The following FAM13C variants were observed in gnomAD, a reference collection of about 807,000 sequenced individuals.
FAM13C encodes protein FAM13C.
A neutral mutation model predicts 73.2 loss-of-function variants in FAM13C; 37 were observed. That is an observed-to-expected ratio of 0.51 (90% CI 0.39 to 0.67). FAM13C has a LOEUF of 0.67. FAM13C is among the 30% of genes least tolerant of loss of function. The pLI is 0.00. For missense variants in FAM13C, 589 were observed against 715.6 expected (o/e 0.82, Z 2.02); for synonymous variants, 246 against 260.9 (o/e 0.94, Z 0.55).
intron 6 of FAM13C, among the ~76,000 whole-genome samples, chr10:59,279,568 C>T (rs530136691): frequency 1.3e-5 from 2 of 152,330 alleles, no homozygotes; most frequent in Non-Finnish European, 2.9e-5. Context: ...AACCATCAAT[C>T]ATCCTTGGTC....
At position 59,337,959 on chromosome 10, in the gene FAM13C, C is replaced by T. The variant is rs142767296; in HGVS notation, c.325-13853G>A. Among the ~76,000 whole-genome samples the T allele has an allele frequency of 6.9e-3, 1,055 of 152,016 alleles. 10 individuals carry two copies. The highest frequency in any genetic ancestry group is 0.025 in the African/African-American group (1,016 of 41,468). On this transcript the variant is annotated intron_variant, in intron 3 of 13. Transcript: ENST00000618804. ...CCTCCCAAAATGCTGGGATTACAGG[C>T]GTGAGACACCATGCCCAGCCTGAAC... is the stretch of plus-strand genomic sequence containing the variant.
intron 10 of FAM13C, 34 bp downstream of exon 10, chr10:59,262,399 AG>A: frequency 1.9e-6 from 3 of 1,578,638 alleles, no homozygotes; most frequent in Non-Finnish European, 2.6e-6. Flanking sequence ...TGTGGACTAC[AG>A]GGGCCCTCTA....
At chr10:59,309,966 A>G (rs991225551) in intron 4 of FAM13C, among the ~76,000 whole-genome samples, 1 of 152,244 alleles carries the variant, frequency 6.6e-6, no homozygotes, top group Non-Finnish European at 1.5e-5. Flanking sequence ...ATGCTAGCAG[A>G]GCCTAGAGGA....
At chr10:59,298,898 G>A (rs1390807858) in intron 5 of FAM13C, among the ~76,000 whole-genome samples, 3 of 152,158 alleles carry the variant, frequency 2.0e-5, no homozygotes, top group Non-Finnish European at 4.4e-5. Flanking sequence ...TCACTTATAA[G>A]TGGAATCTAA....
intron 13 of FAM13C, chr10:59,251,176 A>G: frequency 4.0e-6 from 1 of 248,252 alleles, no homozygotes; most frequent in Non-Finnish European, 7.5e-6. Context: ...TTTAAAGCAA[A>G]TAAGGAATTA....
chr10:59,323,940 A>G (rs772230043), intron 4 of FAM13C, 48 bp downstream of exon 4: 1 of 1,502,358 alleles, frequency 6.7e-7, no homozygotes, highest in South Asian at 1.1e-5. Context: ...AGCATTTCTG[A>G]GAAAGGAACC....
intron 1 of FAM13C, chr10:59,360,990 A>T (rs559474976): frequency 7.8e-7 from 1 of 1,283,868 alleles, no homozygotes; most frequent in African/African-American, 1.5e-5. Context: ...GAAAGCACTT[A>T]GTACTTTAAG....
At chr10:59,280,879 A>G (rs1476506139) in intron 6 of FAM13C, among the ~76,000 whole-genome samples, 2 of 152,218 alleles carry the variant, frequency 1.3e-5, no homozygotes, top group African/African-American at 2.4e-5. Context: ...ACTAGGTCAC[A>G]TGAATTTATC....
chr10:59,357,262 T>A (rs1312653983), intron 1 of FAM13C, among the ~76,000 whole-genome samples: 2 of 152,222 alleles, frequency 1.3e-5, no homozygotes, highest in Non-Finnish European at 2.9e-5. Flanking sequence ...AGTTCCTACT[T>A]TAACCTTAAT....
At chr10:59,285,990 C>T (rs2051624356) in intron 5 of FAM13C, among the ~76,000 whole-genome samples, 1 of 152,182 alleles carries the variant, frequency 6.6e-6, no homozygotes, top group African/African-American at 2.4e-5. Context: ...AACTAACAGA[C>T]TAACACAAGG....
intron 1 of FAM13C, among the ~76,000 whole-genome samples, chr10:59,358,643 A>G (rs560296608): frequency 2.0e-5 from 3 of 152,236 alleles, no homozygotes; most frequent in Admixed American, 1.3e-4. Context: ...TGGAGCTTCA[A>G]TTCTGGAGCT....
chr10:59,360,794 G>C (rs974015254), intron 1 of FAM13C, among the ~76,000 whole-genome samples: 2 of 150,090 alleles, frequency 1.3e-5, no homozygotes, highest in African/African-American at 4.9e-5. Flanking sequence ...AACTCCTTGG[G>C]GAGTGTCCAA....
At chr10:59,314,431 T>G (rs1310283433) in intron 4 of FAM13C, among the ~76,000 whole-genome samples, 1 of 152,238 alleles carries the variant, frequency 6.6e-6, no homozygotes, top group Non-Finnish European at 1.5e-5. Context: ...TTAGGGAATC[T>G]GTCCAAGGAA....
chr10:59,289,362 A>G (rs1306652423), intron 5 of FAM13C, among the ~76,000 whole-genome samples: 1 of 152,158 alleles, frequency 6.6e-6, no homozygotes. Flanking sequence ...ACTGCCACAT[A>G]CATGTCCTTC....
At chr10:59,357,062 C>T (rs7895294) in intron 1 of FAM13C, among the ~76,000 whole-genome samples, 244 of 152,314 alleles carry the variant, frequency 1.6e-3, no homozygotes, top group African/African-American at 5.7e-3. Context: ...GAAGGCTGCA[C>T]TGTTGGCTTC....
Position 59,281,458 on chromosome 10 carries a change from C to T in FAM13C, c.592+1905G>A, listed in dbSNP as rs1844912211. ...AAGAGACTCCTTAGGTCCCTGGAAA[C>T]ATCAGTTTTCTAGATGTCTCTACAA... On this transcript the variant is annotated intron_variant, in intron 6 of 13. Transcript: ENST00000618804. 2.6e-5 allele frequency among the ~76,000 whole-genome samples: 4 copies of T among 152,200 alleles called. No individual in the cohort carries two copies. In the South Asian group the frequency reaches 8.3e-4, roughly 32 times the overall value.
intron 8 of FAM13C, among the ~76,000 whole-genome samples, chr10:59,265,537 C>T (rs1432064129): frequency 1.3e-5 from 2 of 152,120 alleles, no homozygotes; most frequent in Non-Finnish European, 2.9e-5. Flanking sequence ...TTCTCCACTC[C>T]GATCTGAGAA....
At position 59,334,411 on chromosome 10, in the gene FAM13C, T is replaced by C. The variant is rs534920897; in HGVS notation, c.325-10305A>G. On this transcript the variant is annotated intron_variant, in intron 3 of 13. Coordinates refer to ENST00000618804, the MANE Select transcript of FAM13C (RefSeq NM_198215.4). ...CAAATATGTCAAAACTTACTGGGTA[T>C]ATACCCAAAGGATTATAAATCATGC... Among the ~76,000 whole-genome samples, 14 of 152,298 alleles carry C rather than the reference T, an allele frequency of 9.2e-5. No individual in the cohort carries two copies. The South Asian group carries it at 2.9e-3, about 32-fold the overall frequency.
At chr10:59,342,027 T>C (rs2134183065) in intron 3 of FAM13C, among the ~76,000 whole-genome samples, 1 of 152,296 alleles carries the variant, frequency 6.6e-6, no homozygotes, top group Non-Finnish European at 1.5e-5. Flanking sequence ...TTGTTCTGTA[T>C]ATTTGTGCCA....
Sources: allele counts gnomAD v4.1 joint callset (sites outside exome capture counted in the v4.1 genomes callset), GRCh38; gene constraint gnomAD v4.1.1; transcripts MANE v1.5; gene names NCBI Gene and HGNC (gene_info 2026-07-23, HGNC 2026-07-21).